The following FGF6 variants were observed in gnomAD, a reference collection of about 807,000 sequenced individuals.
The protein encoded by FGF6 is fibroblast growth factor 6, also known as FGF-6.
In FGF6, 14 loss-of-function variants were observed where a neutral mutation model predicts 18.4. That is an observed-to-expected ratio of 0.76 (90% CI 0.50 to 1.19). The LOEUF (loss-of-function observed/expected upper bound fraction) is 1.19, where lower values mean the gene tolerates loss of function less well. Ranked by LOEUF, FGF6 falls within the 50% of genes most tolerant of loss-of-function variation. The pLI is 0.00. For synonymous variants in FGF6, 125 were observed against 116.7 expected, an observed-to-expected ratio of 1.07 and a Z score of -0.46; for missense variants, 266 against 271.6, an observed-to-expected ratio of 0.98 and a Z score of 0.15.
intron 2 of FGF6, 110 bp downstream of exon 2, chr12:4,444,023 C>A (rs1865724922): frequency 1.4e-6 from 1 of 707,922 alleles, no homozygotes; most frequent in African/African-American, 1.8e-5. Flanking sequence ...ACAGCCTTTC[C>A]TTTCCCATTT....
chr12:4,435,893 G>A (rs1865622492), intron 2 of FGF6, among the ~76,000 whole-genome samples: 1 of 152,144 alleles, frequency 6.6e-6, no homozygotes. Context: ...TGCTCTTGTG[G>A]GGAAGCAGCT....
At chr12:4,444,575 ATTCTTC>A (rs761614152) in intron 1 of FGF6, among the ~76,000 whole-genome samples, 2 of 152,078 alleles carry the variant, frequency 1.3e-5, no homozygotes, top group East Asian at 1.9e-4. Flanking sequence ...ATAAATTCTG[ATTCTTC>A]TTCTTCTTCT....
intron 2 of FGF6, among the ~76,000 whole-genome samples, chr12:4,443,428 G>T (rs1865715621): frequency 1.3e-5 from 2 of 152,202 alleles, no homozygotes; most frequent in Non-Finnish European, 1.5e-5. Flanking sequence ...TAAGCCAAAT[G>T]ATGGGCCGAG....
intron 2 of FGF6, among the ~76,000 whole-genome samples, chr12:4,441,036 T>C (rs908391223): frequency 2.6e-5 from 4 of 152,256 alleles, no homozygotes; most frequent in Admixed American, 1.3e-4. Flanking sequence ...AGCATGTAAA[T>C]GCGGCTCTTC....
chr12:4,434,479 C>G, intron 2 of FGF6, 88 bp from the exon 3 acceptor site: 1 of 1,254,198 alleles, frequency 8.0e-7, no homozygotes, highest in Non-Finnish European at 1.2e-6. Flanking sequence ...GTAGGCCCCT[C>G]TGCCAGGTGC....
At chr12:4,435,958 C>T (rs1210001302) in intron 2 of FGF6, among the ~76,000 whole-genome samples, 1 of 152,062 alleles carries the variant, frequency 6.6e-6, no homozygotes, top group Non-Finnish European at 1.5e-5. Context: ...CCGGGATCTA[C>T]TCTTGAAAAG....
chr12:4,434,933 G>A (rs1160325638), intron 2 of FGF6, among the ~76,000 whole-genome samples: 3 of 152,084 alleles, frequency 2.0e-5, no homozygotes, highest in Non-Finnish European at 4.4e-5. Context: ...GTGTGTGGTG[G>A]GGGAAGAAGG....
chr12:4,434,713 TTTCTA>T (rs1865608578), intron 2 of FGF6, among the ~76,000 whole-genome samples: 2 of 152,264 alleles, frequency 1.3e-5, no homozygotes, highest in African/African-American at 4.8e-5. Context: ...TCCAGAGTAG[TTTCTA>T]CTAAGTCCCT....
At chr12:4,437,856 T>C (rs1007232382) in intron 2 of FGF6, among the ~76,000 whole-genome samples, 65 of 151,736 alleles carry the variant, frequency 4.3e-4, no homozygotes, top group African/African-American at 1.5e-3. Context: ...AAAAGAACCA[T>C]TAAAATCCAG....
At chr12:4,434,454 G>T in intron 2 of FGF6, 63 bp from the exon 3 acceptor site, 1 of 1,553,514 alleles carries the variant, frequency 6.4e-7, no homozygotes, top group Non-Finnish European at 8.9e-7. Context: ...GCAGATGCCA[G>T]CTGGGCCGCA....
Position 4,434,171 on chromosome 12 carries a change from G to T in FGF6, c.*44C>A. ...TCTTCGCTGGTGCAAAATTTCAATC[G>T]AACAGATGATGCTTTAAATCTGTGA... On this transcript the variant is annotated 3_prime_UTR_variant, in exon 3 of 3. Coordinates refer to ENST00000228837, the MANE Select transcript of FGF6 (RefSeq NM_020996.3). 6.3e-7 allele frequency: 1 copy of T among 1,595,126 alleles called. No individual in the cohort carries two copies. Among genetic ancestry groups the T allele is most frequent in the Non-Finnish European group, 8.6e-7 (1 of 1,164,932 alleles).
chr12:4,440,004 A>C (rs374047418), intron 2 of FGF6, among the ~76,000 whole-genome samples: 17 of 152,256 alleles, frequency 1.1e-4, no homozygotes, highest in African/African-American at 3.9e-4. Context: ...ATTCATCTTC[A>C]TCAGAGCCCT....
intron 2 of FGF6, among the ~76,000 whole-genome samples, chr12:4,438,287 C>T (rs1195618970): frequency 6.6e-6 from 1 of 152,114 alleles, no homozygotes; most frequent in African/African-American, 2.4e-5. Context: ...ATTTAATGTC[C>T]TCTGATGTGT....
At chr12:4,434,472 G>A in intron 2 of FGF6, 81 bp from the exon 3 acceptor site, 1 of 1,366,338 alleles carries the variant, frequency 7.3e-7, no homozygotes, top group Non-Finnish European at 1.0e-6. Flanking sequence ...GCAGAGAGTA[G>A]GCCCCTCTGC....
intron 2 of FGF6, among the ~76,000 whole-genome samples, chr12:4,442,229 G>C (rs557760381): frequency 6.6e-6 from 1 of 152,072 alleles, no homozygotes; most frequent in Non-Finnish European, 1.5e-5. Flanking sequence ...TGAGGGCTGG[G>C]GGTGGGGTGG....
chr12:4,439,382 G>A lies in FGF6; in HGVS notation c.450+4751C>T, dbSNP rs142388010. On this transcript the variant is annotated intron_variant, in intron 2 of 2. Coordinates refer to ENST00000228837, the MANE Select transcript of FGF6 (RefSeq NM_020996.3). ...GGATGGTGGTTAAGGGAGAGGTTTC[G>A]TGTGTTGTTTGCAAGCTCTAGTGAG... 1.2e-3 allele frequency among the ~76,000 whole-genome samples: 183 copies of A among 152,258 alleles called. 1 individual carries two copies. The highest frequency in any genetic ancestry group is 4.1e-3 in the African/African-American group (171 of 41,534).
intron 2 of FGF6, among the ~76,000 whole-genome samples, chr12:4,443,127 A>T (rs1457804544): frequency 6.6e-6 from 1 of 152,156 alleles, no homozygotes; most frequent in East Asian, 1.9e-4. Context: ...AGCACTAAAG[A>T]TTATGGGGTG....
At chr12:4,443,545 A>G (rs1865716730) in intron 2 of FGF6, among the ~76,000 whole-genome samples, 1 of 150,700 alleles carries the variant, frequency 6.6e-6, no homozygotes, top group African/African-American at 2.4e-5. Context: ...GAGGTGACCT[A>G]TGGGGGTGGG....
chr12:4,444,443 A>AGG (rs1865732650), intron 1 of FGF6, among the ~76,000 whole-genome samples: 1 of 152,228 alleles, frequency 6.6e-6, no homozygotes, highest in Non-Finnish European at 1.5e-5. Context: ...CAGTTCTGCA[A>AGG]GGGAAGGTTC....
Sources: gnomAD v4.1 joint callset for allele counts (sites outside exome capture counted in the v4.1 genomes callset) on GRCh38, gnomAD v4.1.1 for gene constraint, MANE v1.5 for transcripts, NCBI Gene and HGNC (gene_info 2026-07-23, HGNC 2026-07-21) for gene names.